Variants in CDHR3 observed in about 807,000 individuals in gnomAD.
CDHR3 encodes cadherin-related family member 3.
A neutral mutation model predicts 86.6 loss-of-function variants in CDHR3; 79 were observed. The ratio of observed to expected loss-of-function variants is 0.91; its 90% CI spans 0.76 to 1.10. The LOEUF is 1.10. Ranked by LOEUF, CDHR3 falls within the 50% of genes least tolerant of loss-of-function variation. CDHR3 has a pLI of 0.00. For synonymous variants in CDHR3, 421 were observed against 402.4 expected (o/e 1.05, Z -0.55); for missense variants, 1,081 against 1,077.6 (o/e 1.00, Z -0.04).
At position 106,020,408 on chromosome 7, in the gene CDHR3, G is replaced by A. The variant is rs1391036144; in HGVS notation, c.1689G>A (p.Lys563=). ...ACATCCTTGAAGAAAATGATGAAAA[G>A]CCAATTTGTACTCCAAACTCTTATT... ...TVNILEENDE[K]PICTPNSYFL... Residue 563 remains lysine, a synonymous_variant, in exon 13 of 19, where the codon AAG becomes AAA. Transcript: ENST00000317716. The A allele has an allele frequency of 5.0e-6, 8 of 1,613,562 alleles. No individual in the cohort carries two copies. Among genetic ancestry groups the A allele is most frequent in the Non-Finnish European group, 6.8e-6 (8 of 1,179,766 alleles).
chr7:106,004,488 G>T lies in CDHR3; in HGVS notation c.863-10G>T. ...TTCAAAGGGTCACGTTCTAACCTTT[G>T]CTTTCTCAGTGACTGGTACAATCCA... On this transcript the variant is annotated splice_polypyrimidine_tract_variant and intron_variant, in intron 7 of 18. Coordinates refer to ENST00000317716, the MANE Select transcript of CDHR3 (RefSeq NM_152750.5). 1 of 1,612,366 alleles carries T rather than the reference G, an allele frequency of 6.2e-7. No homozygotes were observed. The highest frequency in any genetic ancestry group is 8.5e-7 in the Non-Finnish European group (1 of 1,178,908).
At chr7:105,985,970 A>G (rs1001072439) in intron 4 of CDHR3, among the ~76,000 whole-genome samples, 2 of 152,006 alleles carry the variant, frequency 1.3e-5, no homozygotes, top group South Asian at 2.1e-4. Flanking sequence ...CTATGCTTCT[A>G]TTTTTCTAAC....
chr7:106,024,174 A>G (rs544706455), intron 14 of CDHR3, among the ~76,000 whole-genome samples: 1 of 152,228 alleles, frequency 6.6e-6, no homozygotes, highest in African/African-American at 2.4e-5. Flanking sequence ...AGTTCCCTAA[A>G]ATTTCTGGGT....
At chr7:106,012,022 C>T (rs1356431578) in intron 8 of CDHR3, among the ~76,000 whole-genome samples, 1 of 152,220 alleles carries the variant, frequency 6.6e-6, no homozygotes, top group African/African-American at 2.4e-5. Flanking sequence ...GGGATTCTCC[C>T]TAGCCCAGTT....
rs1292243482 is a variant in CDHR3 at position 105,984,225 on chromosome 7, C to T, written c.449C>T (p.Pro150Leu). The T allele has an allele frequency of 1.2e-6, 2 of 1,610,584 alleles. No homozygotes were observed. Among genetic ancestry groups the T allele is most frequent in the Non-Finnish European group, 1.7e-6 (2 of 1,177,742 alleles). Residue 150 changes from proline (P) to leucine (L), a missense_variant, in exon 4 of 19, where the codon CCT becomes CTT. By Grantham distance (98) the Pro-to-Leu change is moderately conservative. Coordinates refer to ENST00000317716, the MANE Select transcript of CDHR3 (RefSeq NM_152750.5). ...LHLYIVERAN[P>L]GFIYQVEAFD... ...CTCTACATAGTAGAAAGAGCAAACC[C>T]TGGATTCATTTACCAGGTTGAGGCC...
chr7:105,990,798 G>T (rs1211956861), intron 4 of CDHR3, among the ~76,000 whole-genome samples: 1 of 152,178 alleles, frequency 6.6e-6, no homozygotes, highest in African/African-American at 2.4e-5. Context: ...CTGCAGTGGG[G>T]AAGCAAGCCT....
chr7:106,013,105 C>T lies in CDHR3; in HGVS notation c.1224+74C>T, dbSNP rs184935881. 4.4e-6 allele frequency: 6 copies of T among 1,374,448 alleles called. No individual in the cohort carries two copies. The Admixed American group carries it at 1.5e-4, about 35-fold the overall frequency. The allele number at this position is 1,374,448 out of a possible 1,614,324, so 85.1% of individuals were successfully genotyped here. A position where few individuals can be genotyped will look rare whatever the true frequency, so the allele number is the denominator to read the frequency against. On this transcript the variant is annotated intron_variant, in intron 9 of 18. Coordinates refer to ENST00000317716, the MANE Select transcript of CDHR3 (RefSeq NM_152750.5). ...AACATGCATCATGCTTTTGCTGCCC[C>T]ATAGAGAGAAATTTCCAAGGTAACC...
intron 1 of CDHR3, among the ~76,000 whole-genome samples, chr7:105,965,001 G>A (rs1023716536): frequency 6.6e-5 from 10 of 152,010 alleles, no homozygotes; most frequent in African/African-American, 1.2e-4. Context: ...AGGTTAGGAA[G>A]AACCCAATTT....
chr7:106,035,153 C>G lies in CDHR3; in HGVS notation c.*2456C>G, dbSNP rs1254513939. Among the ~76,000 whole-genome samples, 2 of 151,552 alleles carry G rather than the reference C, an allele frequency of 1.3e-5. No homozygotes were observed. The highest frequency in any genetic ancestry group is 2.9e-5 in the Non-Finnish European group (2 of 67,966). ...GCTGGTCTTTCTTCTCCAGTGATGA[C>G]AGGGCAAGAGGGAATTGTGCTTAAT... On this transcript the variant is annotated 3_prime_UTR_variant, in exon 19 of 19. Coordinates refer to ENST00000317716, the MANE Select transcript of CDHR3 (RefSeq NM_152750.5).
chr7:106,022,293 G>C lies in CDHR3; in HGVS notation c.1921G>C (p.Asp641His), dbSNP rs746415660. The C allele has an allele frequency of 6.2e-7, 1 of 1,613,904 alleles. No individual in the cohort carries two copies. The highest frequency in any genetic ancestry group is 8.5e-7 in the Non-Finnish European group (1 of 1,179,908). ...TSRFDYAGGF[D>H]KIWDYKLLVY... ...TCGCTTTGACTATGCTGGTGGGTTT[G>C]ATAAGATCTGGGACTACAAGCTACT... The change falls in exon 14 of 19, where the codon GAT becomes CAT. Residue 641 changes from aspartate (D) to histidine (H), a missense_variant. Transcript: ENST00000317716.
At chr7:105,980,306 T>G (rs1829437034) in intron 2 of CDHR3, among the ~76,000 whole-genome samples, 1 of 152,218 alleles carries the variant, frequency 6.6e-6, no homozygotes. Context: ...TGAGGTTTGT[T>G]GCACAATGGA....
intron 4 of CDHR3, 123 bp downstream of exon 4, chr7:105,984,412 T>C: frequency 1.7e-6 from 1 of 585,646 alleles, no homozygotes; most frequent in East Asian, 2.9e-5. Context: ...TGCGTCCACT[T>C]CCAAACACAG....
intron 8 of CDHR3, among the ~76,000 whole-genome samples, chr7:106,008,722 A>T (rs1834321722): frequency 6.6e-6 from 1 of 152,086 alleles, no homozygotes; most frequent in African/African-American, 2.4e-5. Flanking sequence ...AGTGGAGACA[A>T]TTTGCAGCAT....
At chr7:105,999,947 GA>G (rs1563266443) in intron 6 of CDHR3, among the ~76,000 whole-genome samples, 7 of 152,204 alleles carry the variant, frequency 4.6e-5, no homozygotes, top group Non-Finnish European at 7.3e-5. Context: ...ACCCGCTCAT[GA>G]TGACCAAAGC....
At chr7:105,971,799 T>C (rs1414381491) in intron 1 of CDHR3, among the ~76,000 whole-genome samples, 2 of 152,106 alleles carry the variant, frequency 1.3e-5, no homozygotes, top group African/African-American at 2.4e-5. Flanking sequence ...GCAAGTCCCT[T>C]CTACCTGAGC....
chr7:106,029,987 C>T (rs1250451251), intron 17 of CDHR3, among the ~76,000 whole-genome samples: 3 of 152,148 alleles, frequency 2.0e-5, no homozygotes, highest in Admixed American at 6.5e-5. Flanking sequence ...CCATATAATC[C>T]CCATTTCCTC....
In CDHR3 at chr7:106,032,661, G is replaced by A; in HGVS notation, c.2622G>A (p.Met874Ile). The A allele has an allele frequency of 6.2e-7, 1 of 1,613,566 alleles. No homozygotes were observed. Among genetic ancestry groups the A allele is most frequent in the Non-Finnish European group, 8.5e-7 (1 of 1,179,710 alleles). ...GNPKNRNPAF[M>I]NRAYPKPHPG... ...CAAAGAACAGAAATCCAGCCTTCAT[G>A]AACAGGGCTTACCCCAAACCACACC... Residue 874 changes from methionine to isoleucine, a missense_variant, in exon 19 of 19, where the codon ATG (methionine) becomes ATA (isoleucine). Coordinates refer to ENST00000317716, the MANE Select transcript of CDHR3 (RefSeq NM_152750.5).
At chr7:106,001,698 A>G (rs1398951292) in intron 7 of CDHR3, 88 bp downstream of exon 7, 3 of 1,543,436 alleles carry the variant, frequency 1.9e-6, no homozygotes, top group Non-Finnish European at 2.7e-6. Flanking sequence ...GTTACCCATG[A>G]GAATTGGTTC....
intron 1 of CDHR3, among the ~76,000 whole-genome samples, chr7:105,964,539 A>G (rs1826564561): frequency 6.6e-6 from 1 of 151,948 alleles, no homozygotes; most frequent in South Asian, 2.1e-4. Context: ...GTTTCCCATT[A>G]AGCATGATGT....
Sources: allele counts gnomAD v4.1 joint callset (sites outside exome capture counted in the v4.1 genomes callset), GRCh38; gene constraint gnomAD v4.1.1; transcripts MANE v1.5; gene names NCBI Gene and HGNC (gene_info 2026-07-23, HGNC 2026-07-21).